BACH2: variants seen among roughly 807,000 people sequenced by gnomAD.
The protein encoded by BACH2 is transcription regulator protein BACH2.
BACH2 carries 5 observed loss-of-function variants against 61.8 expected under a neutral mutation model. The observed-to-expected ratio is 0.08, with a 90% CI of 0.04 to 0.17. The LOEUF (loss-of-function observed/expected upper bound fraction) is 0.17, where lower values mean the gene tolerates loss of function less well. Ranked by LOEUF, BACH2 falls within the 10% of genes least tolerant of loss-of-function variation. The probability of loss-of-function intolerance (pLI) is 1.00; values close to 1 mark genes in which losing one functional copy is unlikely to be tolerated. For synonymous variants in BACH2, 446 were observed against 440.1 expected (o/e 1.01, Z -0.17); for missense variants, 824 against 1,091.1 (o/e 0.76, Z 3.45).
intron 5 of BACH2, among the ~76,000 whole-genome samples, chr6:90,028,383 A>G (rs1778748909): frequency 6.6e-6 from 1 of 152,194 alleles, no homozygotes; most frequent in Admixed American, 6.5e-5. Flanking sequence ...ATTCCTTCAG[A>G]TTTGTTAAAA....
chr6:90,038,863 CCTGT>C (rs372843244), intron 5 of BACH2, among the ~76,000 whole-genome samples: 2 of 151,530 alleles, frequency 1.3e-5, no homozygotes, highest in African/African-American at 4.9e-5. Context: ...ATGGTGAAAC[CCTGT>C]CTCTCTACTA....
chr6:90,133,582 G>A (rs564251527), intron 4 of BACH2, among the ~76,000 whole-genome samples: 17 of 151,752 alleles, frequency 1.1e-4, no homozygotes, highest in African/African-American at 3.6e-4. Context: ...GGGTACATGT[G>A]CACAACGTGC....
chr6:90,031,211 A>G (rs1778963218), intron 5 of BACH2, among the ~76,000 whole-genome samples: 1 of 152,106 alleles, frequency 6.6e-6, no homozygotes. Context: ...TCTCAAAATA[A>G]TAAGAGCTAT....
Position 89,966,651 on chromosome 6 carries a change from G to T in BACH2, c.244-14789C>A, listed in dbSNP as rs555876190. 6.8e-4 allele frequency among the ~76,000 whole-genome samples: 103 copies of T among 152,318 alleles called. 2 individuals carry two copies. In the South Asian group the frequency reaches 0.011, roughly 16 times the overall value. On this transcript the variant is annotated intron_variant, in intron 6 of 8. Transcript: ENST00000257749. ...TCTATATGTTATTCCTGTCTGTCAAGGGAGGAAATGAAACGGGAGCCGATA... is the reference window on the plus strand; with the variant it reads ...TCTATATGTTATTCCTGTCTGTCAATGGAGGAAATGAAACGGGAGCCGATA...
chr6:89,954,211 A>T (rs1289864981), intron 6 of BACH2, among the ~76,000 whole-genome samples: 1 of 152,102 alleles, frequency 6.6e-6, no homozygotes, highest in African/African-American at 2.4e-5. Context: ...TGGATAAGAC[A>T]CTTCTTGAGT....
intron 4 of BACH2, among the ~76,000 whole-genome samples, chr6:90,191,326 A>T (rs988590332): frequency 9.2e-5 from 14 of 152,242 alleles, no homozygotes; most frequent in African/African-American, 3.4e-4. Context: ...AGGAAGTGGC[A>T]GTCTACTAAA....
At chr6:89,967,934 A>C (rs1162233672) in intron 6 of BACH2, among the ~76,000 whole-genome samples, 1 of 152,176 alleles carries the variant, frequency 6.6e-6, no homozygotes, top group East Asian at 1.9e-4. Flanking sequence ...TCCCTGGTTT[A>C]GAAAGCAAAC....
chr6:90,282,495 T>C (rs1771888442), intron 1 of BACH2, among the ~76,000 whole-genome samples: 1 of 152,200 alleles, frequency 6.6e-6, no homozygotes, highest in Admixed American at 6.5e-5. Flanking sequence ...TCATTCTTTT[T>C]TATGGCTGCA....
At chr6:90,078,712 AG>A (rs1272307428) in intron 5 of BACH2, among the ~76,000 whole-genome samples, 2 of 152,122 alleles carry the variant, frequency 1.3e-5, no homozygotes, top group African/African-American at 4.8e-5. Context: ...CCTCTCATTC[AG>A]GCAGGCAGTA....
intron 5 of BACH2, among the ~76,000 whole-genome samples, chr6:90,011,930 ATATGTGTGTGTGTG>A (rs57330362): frequency 0.17 from 16,509 of 98,686 alleles, 1,008 homozygotes; most frequent in Middle Eastern, 0.3. Context: ...AAAAAAAAAA[ATATGTGTGTGTGTG>A]TGTGTGTGTG....
chr6:90,153,418 A>G (rs1272620351), intron 4 of BACH2, among the ~76,000 whole-genome samples: 1 of 152,208 alleles, frequency 6.6e-6, no homozygotes, highest in African/African-American at 2.4e-5. Context: ...TGGGTAAGTT[A>G]TATTCTGAAT....
chr6:90,137,414 T>C (rs1338019256), intron 4 of BACH2, among the ~76,000 whole-genome samples: 2 of 152,152 alleles, frequency 1.3e-5, no homozygotes, highest in Non-Finnish European at 2.9e-5. Flanking sequence ...GCCATAAATC[T>C]ATTAGCTTGA....
intron 4 of BACH2, among the ~76,000 whole-genome samples, chr6:90,135,463 C>T (rs1430424946): frequency 6.6e-6 from 1 of 152,196 alleles, no homozygotes; most frequent in Non-Finnish European, 1.5e-5. Flanking sequence ...CACAGTAGCT[C>T]GCACCTGTAA....
Position 89,970,203 on chromosome 6 carries a change from C to A in BACH2, c.244-18341G>T, listed in dbSNP as rs144254591. 2.3e-4 allele frequency among the ~76,000 whole-genome samples: 35 copies of A among 152,318 alleles called. 1 individual carries two copies. In the East Asian group the frequency reaches 6.4e-3, roughly 28 times the overall value. ...CAACAGAGGCCCTGTGAAGTACAGG[C>A]CACCCTCGTGAGGAGTAAGGACAGT... On this transcript the variant is annotated intron_variant, in intron 6 of 8. Coordinates refer to ENST00000257749, the MANE Select transcript of BACH2 (RefSeq NM_021813.4).
rs563124095 is a variant in BACH2 at position 90,255,122 on chromosome 6, C to T, written c.-352-2532G>A. On this transcript the variant is annotated intron_variant, in intron 2 of 8. Transcript: ENST00000257749. Reference sequence around the variant, plus strand: ...TATGATCATTAGAGATGCAAAAAATCGGTACAGGCCTTTCTCCCCTTCTAA... The same window carrying T: ...TATGATCATTAGAGATGCAAAAAATTGGTACAGGCCTTTCTCCCCTTCTAA... 9.9e-5 allele frequency among the ~76,000 whole-genome samples: 15 copies of T among 152,274 alleles called. No individual in the cohort carries two copies. The South Asian group carries it at 3.1e-3, about 32-fold the overall frequency.
At chr6:90,009,445 T>C (rs3857496) in intron 5 of BACH2, among the ~76,000 whole-genome samples, 56,150 of 152,068 alleles carry the variant, frequency 0.37, 10,569 homozygotes, top group African/African-American at 0.42. Flanking sequence ...GCATCTGCCC[T>C]CTGCCACTTC....
Position 90,008,596 on chromosome 6 carries a change from C to T in BACH2, c.243+6G>A, listed in dbSNP as rs1173343148. ...ATTAACAATCACACAAACCAAATTA[C>T]TGTACCTCCTCAGGCAAGCTGACCA... is the stretch of plus-strand genomic sequence containing the variant. On this transcript the variant is annotated splice_donor_region_variant and intron_variant, in intron 6 of 8. Coordinates refer to ENST00000257749, the MANE Select transcript of BACH2 (RefSeq NM_021813.4). The surrounding 1 kb of genome is among the most constrained non-coding windows in gnomAD (Gnocchi z 4.1). The T allele has an allele frequency of 1.5e-5, 25 of 1,613,876 alleles. No homozygotes were observed. Among genetic ancestry groups the T allele is most frequent in the Non-Finnish European group, 1.9e-5 (23 of 1,180,026 alleles).
chr6:90,116,507 G>A (rs941347724), intron 4 of BACH2, among the ~76,000 whole-genome samples: 5 of 152,110 alleles, frequency 3.3e-5, no homozygotes, highest in African/African-American at 1.2e-4. Flanking sequence ...AGGAGGGTGG[G>A]AGAGAAAGTA....
At chr6:90,000,282 T>C (rs772626439) in intron 6 of BACH2, among the ~76,000 whole-genome samples, 1 of 152,242 alleles carries the variant, frequency 6.6e-6, no homozygotes, top group African/African-American at 2.4e-5. Flanking sequence ...TCTGCGTTAC[T>C]ATAAATAAGT....
Sources: gnomAD v4.1 joint callset for allele counts (sites outside exome capture counted in the v4.1 genomes callset) on GRCh38, gnomAD v4.1.1 for gene constraint, Gnocchi (gnomAD v3.1) non-coding constraint, MANE v1.5 for transcripts, NCBI Gene and HGNC (gene_info 2026-07-23, HGNC 2026-07-21) for gene names.